Variants in RRN3 observed in about 807,000 individuals in gnomAD.
RRN3 encodes the protein RNA polymerase I transcription factor RRN3.
In RRN3, 38 loss-of-function variants were observed where a neutral mutation model predicts 82.3. The ratio of observed to expected loss-of-function variants is 0.46; its 90% CI spans 0.36 to 0.61. The LOEUF (loss-of-function observed/expected upper bound fraction) is 0.61, where lower values mean the gene tolerates loss of function less well. RRN3 is among the 20% of genes least tolerant of loss of function. The pLI, the probability that RRN3 is intolerant of heterozygous loss-of-function variation, is 0.00. For synonymous variants in RRN3, 284 were observed against 284.3 expected (o/e 1.00, Z 0.01); for missense variants, 726 against 793.1 (o/e 0.92, Z 1.02).
intron 6 of RRN3, among the ~76,000 whole-genome samples, chr16:15,085,248 T>C (rs1438043291): frequency 6.6e-6 from 1 of 152,148 alleles, no homozygotes; most frequent in South Asian, 2.1e-4. Flanking sequence ...ATGGTAAATA[T>C]AACAAAAAGA....
At chr16:15,086,542 G>A (rs952912522) in intron 3 of RRN3, 88 bp from the exon 4 acceptor site, 305 of 1,563,174 alleles carry the variant, frequency 2.0e-4, no homozygotes, top group Non-Finnish European at 2.5e-4. Flanking sequence ...CATTTATCAA[G>A]AATAGGTTGG....
At position 15,083,503 on chromosome 16, in the gene RRN3, G is replaced by A; in HGVS notation, c.666+10C>T. 6.2e-7 allele frequency: 1 copy of A among 1,608,920 alleles called. No individual in the cohort carries two copies. The highest frequency in any genetic ancestry group is 8.5e-7 in the Non-Finnish European group (1 of 1,179,034). The stretch of plus-strand genomic sequence containing the variant: ...TTTTCCATGATGTTCTCAATGAAAA[G>A]ATTTCTTACCAGTGTTCTCTCTGAT... On this transcript the variant is annotated intron_variant, in intron 8 of 17. Coordinates refer to ENST00000198767, the MANE Select transcript of RRN3 (RefSeq NM_018427.5).
At chr16:15,068,998 A>T (rs975105188) in intron 14 of RRN3, among the ~76,000 whole-genome samples, 2 of 152,242 alleles carry the variant, frequency 1.3e-5, no homozygotes, top group African/African-American at 2.4e-5. Context: ...TCCTGGCATT[A>T]ATTTATACAA....
chr16:15,069,893 A>G (rs1264187909), intron 14 of RRN3, among the ~76,000 whole-genome samples, 177 bp downstream of exon 14: 1 of 152,156 alleles, frequency 6.6e-6, no homozygotes, highest in Non-Finnish European at 1.5e-5. Context: ...GCTCAAATCT[A>G]TCTTAAGGGG....
At chr16:15,080,907 CTCTCA>C (rs940044468) in intron 8 of RRN3, among the ~76,000 whole-genome samples, 2 of 151,744 alleles carry the variant, frequency 1.3e-5, no homozygotes, top group African/African-American at 2.4e-5. Context: ...TAAACCATTC[CTCTCA>C]TATCAATGGA....
At chr16:15,063,315 T>G in intron 16 of RRN3, 32 bp from the exon 17 acceptor site, 1 of 1,514,258 alleles carries the variant, frequency 6.6e-7, no homozygotes, top group Non-Finnish European at 9.2e-7. Context: ...CAAAGTCAAG[T>G]TAAATACTTC....
chr16:15,086,033 A>T, intron 5 of RRN3, 96 bp downstream of exon 5: 1 of 1,044,612 alleles, frequency 9.6e-7, no homozygotes, highest in Non-Finnish European at 1.4e-6. Flanking sequence ...ATGCATCTGG[A>T]ATCTTCCATG....
chr16:15,064,514 A>G (rs144680435), intron 16 of RRN3, among the ~76,000 whole-genome samples: 3 of 152,298 alleles, frequency 2.0e-5, no homozygotes, highest in Non-Finnish European at 4.4e-5. Flanking sequence ...ACAGAATGGT[A>G]TGTGGTCTCT....
chr16:15,091,243 G>T (rs2046119784), intron 3 of RRN3, 72 bp downstream of exon 3: 1 of 1,579,536 alleles, frequency 6.3e-7, no homozygotes, highest in Admixed American at 1.7e-5. Flanking sequence ...GACAGAATGG[G>T]ACCCAAAGAG....
intron 3 of RRN3, among the ~76,000 whole-genome samples, chr16:15,088,604 A>G (rs1311501480): frequency 1.3e-5 from 2 of 151,704 alleles, no homozygotes; most frequent in African/African-American, 2.4e-5. Flanking sequence ...TCTGGGAAAG[A>G]AGGCAGGGGT....
At chr16:15,087,146 A>T (rs1215764496) in intron 3 of RRN3, among the ~76,000 whole-genome samples, 3 of 152,306 alleles carry the variant, frequency 2.0e-5, no homozygotes, top group African/African-American at 7.2e-5. Flanking sequence ...CACAGGAAAA[A>T]AACCATTAAG....
chr16:15,060,225 C>T lies in RRN3; in HGVS notation c.*1519G>A, dbSNP rs1437757342. Reference sequence around the variant, plus strand: ...CTTACTACTAATTTCTGGGGAATTTCGTTTACTCGTTTTATCTAATATTAA... The same window carrying T: ...CTTACTACTAATTTCTGGGGAATTTTGTTTACTCGTTTTATCTAATATTAA... On this transcript the variant is annotated 3_prime_UTR_variant, in exon 18 of 18. Transcript: ENST00000198767. The T allele has an allele frequency of 5.5e-6, 2 of 365,554 alleles. No homozygotes were observed. Among genetic ancestry groups the T allele is most frequent in the South Asian group, 2.2e-5 (1 of 45,438 alleles). 22.6% of individuals were successfully genotyped at this position (365,554 alleles called of 1,614,324 possible).
chr16:15,088,432 C>T (rs2045992995), intron 3 of RRN3, among the ~76,000 whole-genome samples: 1 of 152,170 alleles, frequency 6.6e-6, no homozygotes. Flanking sequence ...GGGCCCATTA[C>T]ACTCCAGCCC....
At chr16:15,080,591 A>T (rs953983220) in intron 8 of RRN3, among the ~76,000 whole-genome samples, 1 of 152,086 alleles carries the variant, frequency 6.6e-6, no homozygotes, top group Non-Finnish European at 1.5e-5. Context: ...ACACCACCAC[A>T]TGAGGTTAAT....
chr16:15,072,877 C>A, intron 12 of RRN3, 73 bp downstream of exon 12: 1 of 1,490,296 alleles, frequency 6.7e-7, no homozygotes, highest in Non-Finnish European at 9.3e-7. Flanking sequence ...TCTCCGTCCA[C>A]CCCAGTTTTT....
chr16:15,092,544 C>T lies in RRN3; in HGVS notation c.160G>A (p.Gly54Arg). 6.2e-7 allele frequency: 1 copy of T among 1,613,500 alleles called. No individual in the cohort carries two copies. The highest frequency in any genetic ancestry group is 2.2e-5 in the East Asian group (1 of 44,868). Reference protein sequence around the residue: ...SPPRKTVRFGGTVTEVLLKYK... With the variant: ...SPPRKTVRFGRTVTEVLLKYK... The stretch of plus-strand genomic sequence containing the variant: ...TTCAGCAAGACTTCTGTCACAGTTC[C>T]ACCAAACCGAACAGTTTTTCTTGGG... Residue 54 changes from glycine to arginine, a missense_variant, in exon 2 of 18, where the codon GGA becomes AGA. Transcript: ENST00000198767.
intron 1 of RRN3, among the ~76,000 whole-genome samples, chr16:15,093,712 G>A (rs1282858141): frequency 2.0e-5 from 3 of 152,162 alleles, no homozygotes; most frequent in Non-Finnish European, 4.4e-5. Flanking sequence ...GCAAAATAAA[G>A]ACTGCGAAAC....
chr16:15,082,995 A>G, intron 8 of RRN3, among the ~76,000 whole-genome samples: 1 of 152,346 alleles, frequency 6.6e-6, no homozygotes, highest in South Asian at 2.1e-4. Flanking sequence ...ACTTGCACAT[A>G]GTAATAACAG....
intron 8 of RRN3, among the ~76,000 whole-genome samples, chr16:15,082,523 A>C (rs1489414013): frequency 6.6e-6 from 1 of 151,962 alleles, no homozygotes; most frequent in African/African-American, 2.4e-5. Flanking sequence ...AAACACAAAA[A>C]TTAGCGGGGT....
Sources: gnomAD v4.1 joint callset for allele counts (sites outside exome capture counted in the v4.1 genomes callset) on GRCh38, gnomAD v4.1.1 for gene constraint, MANE v1.5 for transcripts, NCBI Gene and HGNC (gene_info 2026-07-23, HGNC 2026-07-21) for gene names.